DEF8: variants seen among roughly 807,000 people sequenced by gnomAD.
DEF8 encodes the protein DEF-8.
A neutral mutation model predicts 59.1 loss-of-function variants in DEF8; 38 were observed. The observed-to-expected ratio is 0.64, with a 90% CI of 0.50 to 0.84. The LOEUF (loss-of-function observed/expected upper bound fraction) is 0.84. DEF8 is among the 40% of genes least tolerant of loss of function. The pLI, the probability that DEF8 is intolerant of heterozygous loss-of-function variation, is 0.00. For missense variants in DEF8, 557 were observed against 615.2 expected, an observed-to-expected ratio of 0.91 and a Z score of 1.00; for synonymous variants, 265 against 250.1, an observed-to-expected ratio of 1.06 and a Z score of -0.56.
intron 2 of DEF8, among the ~76,000 whole-genome samples, chr16:89,950,861 G>A (rs1472622946): frequency 6.6e-6 from 1 of 152,126 alleles, no homozygotes; most frequent in Non-Finnish European, 1.5e-5. Flanking sequence ...ACACACTGGA[G>A]TTCCAGCTAC....
Position 89,955,154 on chromosome 16 carries a change from C to A in DEF8, c.125-15C>A, listed in dbSNP as rs780174266. ...TAGCAGCTGACGCTCCACACCTGTCCCCGTCTTCCTCCAGAGGCCCTGCCT... is the reference window on the plus strand; with the variant it reads ...TAGCAGCTGACGCTCCACACCTGTCACCGTCTTCCTCCAGAGGCCCTGCCT... On this transcript the variant is annotated splice_polypyrimidine_tract_variant and intron_variant, in intron 3 of 12. Transcript: ENST00000563594. The A allele has an allele frequency of 1.2e-6, 2 of 1,605,554 alleles. No individual in the cohort carries two copies. The highest frequency in any genetic ancestry group is 1.7e-5 in the Admixed American group (1 of 59,990).
rs1357327376 is a variant in DEF8 at position 89,965,545 on chromosome 16, G to A, written c.1254-316G>A. On this transcript the variant is annotated intron_variant, in intron 12 of 12. Coordinates refer to ENST00000563594, the MANE Select transcript of DEF8 (RefSeq NM_001242818.2). ...CAGTTTGGGAGCCAGGGGAGGGATA[G>A]GAACAGGTGGGAATCGTGAGGAAGG... Among the ~76,000 whole-genome samples, 7 of 152,322 alleles carry A rather than the reference G, an allele frequency of 4.6e-5. No individual in the cohort carries two copies. The East Asian group carries it at 1.2e-3, about 25-fold the overall frequency.
At chr16:89,960,886 G>A (rs2033938986) in intron 6 of DEF8, 45 bp from the exon 7 acceptor site, 1 of 1,592,206 alleles carries the variant, frequency 6.3e-7, no homozygotes, top group Non-Finnish European at 8.6e-7. Context: ...TGGGCTGCAG[G>A]CGCACCCTTC....
chr16:89,953,283 T>C (rs2151142742), intron 2 of DEF8, among the ~76,000 whole-genome samples: 1 of 152,212 alleles, frequency 6.6e-6, no homozygotes, highest in East Asian at 1.9e-4. Context: ...GATGGGGAAA[T>C]GGAGGCAGAG....
At position 89,967,835 on chromosome 16, in the gene DEF8, C is replaced by A. The variant is rs2034687897; in HGVS notation, c.*1872C>A. ...TTGGGCCCCTTTTATTTTTACCTGC[C>A]ACCCAGCATCTCCCCCACCTGCCCC... is the stretch of plus-strand genomic sequence containing the variant. On this transcript the variant is annotated 3_prime_UTR_variant, in exon 13 of 13. Transcript: ENST00000563594. 6.0e-6 allele frequency: 1 copy of A among 167,654 alleles called. No homozygotes were observed. Among genetic ancestry groups the A allele is most frequent in the African/African-American group, 2.4e-5 (1 of 42,054 alleles). The allele number at this position is 167,654 out of a possible 1,614,324, so 10.4% of individuals were successfully genotyped here.
intron 2 of DEF8, among the ~76,000 whole-genome samples, chr16:89,953,963 G>A (rs567241763): frequency 6.6e-6 from 1 of 152,338 alleles, no homozygotes; most frequent in East Asian, 1.9e-4. Context: ...TGGGAGGCAG[G>A]GAGCTTGGGC....
chr16:89,961,668 C>A, intron 7 of DEF8, 69 bp from the exon 8 acceptor site: 2 of 1,592,126 alleles, frequency 1.3e-6, no homozygotes, highest in Non-Finnish European at 1.7e-6. Flanking sequence ...GGAGGACAGA[C>A]CATGAGGCTG....
intron 2 of DEF8, chr16:89,950,040 G>T (rs1054544573): frequency 6.1e-5 from 62 of 1,009,832 alleles, no homozygotes; most frequent in Non-Finnish European, 6.9e-5. Context: ...CAGTAAATAG[G>T]CAAATAAAAG....
chr16:89,963,680 C>T (rs2034318573), intron 10 of DEF8: 3 of 563,348 alleles, frequency 5.3e-6, no homozygotes, highest in Admixed American at 6.3e-5. Flanking sequence ...TGGGTCCAGC[C>T]CAGCCCTCGT....
At chr16:89,960,364 C>G (rs1480414489) in intron 6 of DEF8, among the ~76,000 whole-genome samples, 1 of 152,010 alleles carries the variant, frequency 6.6e-6, no homozygotes, top group Non-Finnish European at 1.5e-5. Context: ...AATAGTCTGA[C>G]TGAGTGCGGT....
At chr16:89,957,434 C>G in intron 4 of DEF8, 77 bp from the exon 5 acceptor site, 1 of 1,470,296 alleles carries the variant, frequency 6.8e-7, no homozygotes, top group Non-Finnish European at 9.1e-7. Context: ...TGCTCTGGGC[C>G]TGTCTCGGCG....
Position 89,964,550 on chromosome 16 carries a change from G to A in DEF8, c.1228G>A (p.Ala410Thr), listed in dbSNP as rs777414764. Reference protein sequence around the residue: ...FPFDSHTSVCADCSAVFHRDC... With the variant: ...FPFDSHTSVCTDCSAVFHRDC... ...GTTCGACAGCCACACGTCTGTGTGC[G>A]CCGACTGCTCCGCGGTCTTCCACAG... is the stretch of plus-strand genomic sequence containing the variant. Residue 410 changes from alanine to threonine, a missense_variant, in exon 12 of 13, where the codon GCC becomes ACC. Ala to Thr is a moderately conservative substitution (Grantham distance 58). Transcript: ENST00000563594. 26 of 1,584,342 alleles carry A rather than the reference G, an allele frequency of 1.6e-5. No homozygotes were observed. Among genetic ancestry groups the A allele is most frequent in the South Asian group, 1.0e-4 (9 of 86,848 alleles).
chr16:89,957,494 G>C lies in DEF8; in HGVS notation c.223-17G>C, dbSNP rs775586977. On this transcript the variant is annotated splice_polypyrimidine_tract_variant and intron_variant, in intron 4 of 12. Transcript: ENST00000563594. ...GCAGGATGGGCCTTTGACTGCCCCC[G>C]CCCCCAACCTGGGCAGGGTCTGTTC... 6.4e-7 allele frequency: 1 copy of C among 1,569,618 alleles called. No homozygotes were observed. The highest frequency in any genetic ancestry group is 8.6e-7 in the Non-Finnish European group (1 of 1,157,442).
Position 89,965,982 on chromosome 16 carries a change from G to T in DEF8, c.*19G>T, listed in dbSNP as rs1337472094. On this transcript the variant is annotated 3_prime_UTR_variant, in exon 13 of 13. Coordinates refer to ENST00000563594, the MANE Select transcript of DEF8 (RefSeq NM_001242818.2). ...GGCCTAGCGCCGAGGAACAGTGCTG[G>T]GCACCCCGCCTGGCCCGCCAGGACC... 6.3e-7 allele frequency: 1 copy of T among 1,593,592 alleles called. No individual in the cohort carries two copies. Among genetic ancestry groups the T allele is most frequent in the South Asian group, 1.1e-5 (1 of 89,972 alleles).
At chr16:89,952,086 C>T (rs60277744) in intron 2 of DEF8, among the ~76,000 whole-genome samples, 4,801 of 152,190 alleles carry the variant, frequency 0.032, 253 homozygotes, top group African/African-American at 0.11. Flanking sequence ...AATGTGTTAG[C>T]CAGGATGGTT....
chr16:89,955,146 C>A (rs758668790), intron 3 of DEF8, 23 bp from the exon 4 acceptor site: 33 of 1,594,930 alleles, frequency 2.1e-5, no homozygotes, highest in Non-Finnish European at 2.8e-5. Context: ...TGACGCTCCA[C>A]ACCTGTCCCC....
intron 9 of DEF8, 44 bp downstream of exon 9, chr16:89,962,169 A>AGGTG (rs1233106235): frequency 6.4e-7 from 1 of 1,555,968 alleles, no homozygotes; most frequent in Non-Finnish European, 8.8e-7. Context: ...GCGCTGTGTC[A>AGGTG]GGTGGGCCCT....
chr16:89,957,527 CT>C lies in DEF8; in HGVS notation c.240del (p.Asp81ThrfsTer15), dbSNP rs1567794434. 6.3e-7 allele frequency: 1 copy of C among 1,590,214 alleles called. No individual in the cohort carries two copies. The part of the protein sequence containing the change: ...FSRPVGLFLA[S>X]DVQQLRQAIE... ...CCTGGGCAGGGTCTGTTCCTGGCCT[CT>C]GACGTCCAGCAGCTGCGGCAGGCGA... On this transcript the variant is annotated frameshift_variant, in exon 5 of 13. Coordinates refer to ENST00000563594, the MANE Select transcript of DEF8 (RefSeq NM_001242818.2). LOFTEE classifies it high-confidence loss of function.
chr16:89,962,699 A>T (rs984708839), intron 9 of DEF8, among the ~76,000 whole-genome samples: 2 of 152,268 alleles, frequency 1.3e-5, no homozygotes, highest in Non-Finnish European at 2.9e-5. Flanking sequence ...TGTTAATAGT[A>T]TATTTTATTT....
Sources: gnomAD v4.1 joint callset for allele counts (sites outside exome capture counted in the v4.1 genomes callset) on GRCh38, gnomAD v4.1.1 for gene constraint, MANE v1.5 for transcripts, NCBI Gene and HGNC (gene_info 2026-07-23, HGNC 2026-07-21) for gene names.